The following NFE2 variants were observed in gnomAD, a reference collection of about 807,000 sequenced individuals.
NFE2 encodes the protein nuclear factor, erythroid 2.
In NFE2, 13 loss-of-function variants were observed where a neutral mutation model predicts 25.8. The ratio of observed to expected loss-of-function variants is 0.50; its 90% CI spans 0.33 to 0.80. NFE2 has a LOEUF of 0.80. Ranked by LOEUF, NFE2 falls within the 30% of genes least tolerant of loss-of-function variation. The pLI, the probability that NFE2 is intolerant of heterozygous loss-of-function variation, is 0.02. For missense variants in NFE2, 382 were observed against 478.9 expected (o/e 0.80, Z 1.89); for synonymous variants, 204 against 200.2 (o/e 1.02, Z -0.16).
intron 1 of NFE2, among the ~76,000 whole-genome samples, chr12:54,296,739 G>A (rs1944375969): frequency 6.6e-6 from 1 of 152,204 alleles, no homozygotes; most frequent in Admixed American, 6.5e-5. Context: ...CAAAGCAGCA[G>A]TGTGATGTTG....
In NFE2 at chr12:54,292,950, G is replaced by T; in HGVS notation, c.546C>A (p.Tyr182Ter). The change falls in exon 3 of 3, where the codon TAC becomes TAA. Residue 182 changes from tyrosine to a stop codon, truncating the protein, a stop_gained. Coordinates refer to ENST00000435572, the MANE Select transcript of NFE2 (RefSeq NM_001136023.3). LOFTEE classifies it high-confidence loss of function. ...YVEMYPVEYP[Y>*]SLMPNSLAHS... is the part of the protein sequence containing the mutation. ...GGGCCAAGGAGTTGGGCATGAGTGAGTAGGGGTACTCCACTGGGTACATCT... is the reference window on the plus strand; with the variant it reads ...GGGCCAAGGAGTTGGGCATGAGTGATTAGGGGTACTCCACTGGGTACATCT... The T allele has an allele frequency of 6.3e-7, 1 of 1,587,434 alleles. No individual in the cohort carries two copies. Among genetic ancestry groups the T allele is most frequent in the Non-Finnish European group, 8.6e-7 (1 of 1,165,728 alleles).
intron 1 of NFE2, among the ~76,000 whole-genome samples, chr12:54,296,072 C>T (rs1252345036): frequency 6.6e-6 from 1 of 152,194 alleles, no homozygotes; most frequent in African/African-American, 2.4e-5. Context: ...ACTTAGTAAG[C>T]ACTTGTTAAG....
Position 54,293,154 on chromosome 12 carries a change from G to C in NFE2, c.342C>G (p.Gly114=), listed in dbSNP as rs751624613. 32 of 1,552,728 alleles carry C rather than the reference G, an allele frequency of 2.1e-5. No individual in the cohort carries two copies. Among genetic ancestry groups the C allele is most frequent in the Non-Finnish European group, 2.8e-5 (32 of 1,147,130 alleles). Residue 114 remains glycine (G), a synonymous_variant, in exon 3 of 3, where the codon GGC becomes GGG. Transcript: ENST00000435572. ...GGTCTTGGAGCGGCTCACTGAGCAG[G>C]CCTGAGAGGCTCAGTGGCTTGGAGA... ...IPVSKPLSLS[G]LLSEPLQDPL...
Position 54,292,631 on chromosome 12 carries a change from C to G in NFE2, c.865G>C (p.Glu289Gln), listed in dbSNP as rs1367368544. The G allele has an allele frequency of 6.2e-7, 1 of 1,614,100 alleles. No individual in the cohort carries two copies. Among genetic ancestry groups the G allele is most frequent in the Non-Finnish European group, 8.5e-7 (1 of 1,180,048 alleles). The stretch of plus-strand genomic sequence containing the variant: ...TCCCGCTCCAGCTGCACAATGGTTT[C>G]CAGCTTCCTCTTGCGGCAGTTCTGG... ...AAQNCRKRKL[E>Q]TIVQLERELE... The change falls in exon 3 of 3, where the codon GAA becomes CAA. Residue 289 changes from glutamate (E) to glutamine (Q), a missense_variant. Coordinates refer to ENST00000435572, the MANE Select transcript of NFE2 (RefSeq NM_001136023.3).
chr12:54,293,796 C>T (rs1944343547), intron 2 of NFE2, among the ~76,000 whole-genome samples: 1 of 151,824 alleles, frequency 6.6e-6, no homozygotes, highest in Admixed American at 6.6e-5. Context: ...TTGAAGTGAG[C>T]CAAGATAGTG....
chr12:54,292,630 T>G lies in NFE2; in HGVS notation c.866A>C (p.Glu289Ala). ...AAQNCRKRKL[E>A]TIVQLERELE... ...CTCCCGCTCCAGCTGCACAATGGTT[T>G]CCAGCTTCCTCTTGCGGCAGTTCTG... Residue 289 changes from glutamate (E) to alanine (A), a missense_variant, in exon 3 of 3, where the codon GAA (glutamate) becomes GCA (alanine). Glu to Ala is a moderately radical substitution (Grantham distance 107). Coordinates refer to ENST00000435572, the MANE Select transcript of NFE2 (RefSeq NM_001136023.3). 6.2e-7 allele frequency: 1 copy of G among 1,614,218 alleles called. No homozygotes were observed. The highest frequency in any genetic ancestry group is 8.5e-7 in the Non-Finnish European group (1 of 1,180,038).
rs1202412549 is a variant in NFE2 at position 54,293,484 on chromosome 12, T to A, written c.115-103A>T. On this transcript the variant is annotated intron_variant, in intron 2 of 2. Coordinates refer to ENST00000435572, the MANE Select transcript of NFE2 (RefSeq NM_001136023.3). Reference sequence around the variant, plus strand: ...TCTTCTGAAAGTCGCAGTGAGGTAGTAACAAGGAAACAAAGTTGCCACAAA... The same window carrying A: ...TCTTCTGAAAGTCGCAGTGAGGTAGAAACAAGGAAACAAAGTTGCCACAAA... The A allele has an allele frequency of 3.1e-6, 4 of 1,280,950 alleles. No homozygotes were observed. In the African/African-American group the frequency reaches 4.5e-5, roughly 14 times the overall value. The allele number at this position is 1,280,950 out of a possible 1,614,324, so 79.3% of individuals were successfully genotyped here. A position where few individuals can be genotyped will look rare whatever the true frequency, so the allele number is the denominator to read the frequency against.
intron 1 of NFE2, among the ~76,000 whole-genome samples, chr12:54,300,507 C>T (rs1043696095): frequency 1.3e-5 from 2 of 152,150 alleles, no homozygotes; most frequent in Non-Finnish European, 2.9e-5. Context: ...AAGGATTCCT[C>T]CTGGCTACTC....
Position 54,294,740 on chromosome 12 carries a change from G to C in NFE2, c.114+395C>G, listed in dbSNP as rs35190455. 3.3e-3 allele frequency among the ~76,000 whole-genome samples: 499 copies of C among 152,274 alleles called. 6 individuals are homozygous for C. Among genetic ancestry groups the C allele is most frequent in the African/African-American group, 0.012 (484 of 41,550 alleles). On this transcript the variant is annotated intron_variant, in intron 2 of 2. Coordinates refer to ENST00000435572, the MANE Select transcript of NFE2 (RefSeq NM_001136023.3). ...CCCTTCCTGAGGCCCCTGAACTACT[G>C]CTCTGTTACCTGGGGTAAACGGGCC...
rs891548935 is a variant in NFE2, at chr12:54,295,620, G to A, written c.-56-316C>T. On this transcript the variant is annotated intron_variant, in intron 1 of 2. Coordinates refer to ENST00000435572, the MANE Select transcript of NFE2 (RefSeq NM_001136023.3). ...CAAACTGTTTTCCTGGCTAAAGGCAGAGTCAGATCTTCTGTTTTTCTGTTT... is the reference window on the plus strand; with the variant it reads ...CAAACTGTTTTCCTGGCTAAAGGCAAAGTCAGATCTTCTGTTTTTCTGTTT... The A allele has an allele frequency of 1.5e-5, 3 of 193,734 alleles. No individual in the cohort carries two copies. The Admixed American group carries it at 1.7e-4, about 11-fold the overall frequency. The allele number at this position is 193,734 out of a possible 1,614,324, so 12.0% of individuals were successfully genotyped here. A position where few individuals can be genotyped will look rare whatever the true frequency, so the allele number is the denominator to read the frequency against.
intron 2 of NFE2, among the ~76,000 whole-genome samples, chr12:54,294,402 C>G (rs1454010024): frequency 6.6e-6 from 1 of 152,056 alleles, no homozygotes; most frequent in Non-Finnish European, 1.5e-5. Context: ...GCAGAGGGAG[C>G]CGCTGTGTGG....
rs1944321863 is a variant in NFE2 at position 54,292,124 on chromosome 12, C to CTT, written c.*248_*249dup. 1 of 517,562 alleles carries CTT rather than the reference C, an allele frequency of 1.9e-6. No homozygotes were observed. Among genetic ancestry groups the CTT allele is most frequent in the African/African-American group, 1.9e-5 (1 of 52,836 alleles). 32.1% of individuals were successfully genotyped at this position (517,562 alleles called of 1,614,324 possible). On this transcript the variant is annotated 3_prime_UTR_variant, in exon 3 of 3. Coordinates refer to ENST00000435572, the MANE Select transcript of NFE2 (RefSeq NM_001136023.3). ...AGTGAAAAGCCATTTCTGTAGCGCA[C>CTT]TTTATAGACCAAAGCTTAGACAAGG...
chr12:54,296,088 T>C (rs1262584602), intron 1 of NFE2, among the ~76,000 whole-genome samples: 3 of 152,352 alleles, frequency 2.0e-5, no homozygotes, highest in Admixed American at 1.3e-4. Context: ...TTAAGAACTG[T>C]GCTGGTATTG....
intron 2 of NFE2, 36 bp downstream of exon 2, chr12:54,295,099 C>G: frequency 6.4e-7 from 1 of 1,571,676 alleles, no homozygotes; most frequent in East Asian, 2.2e-5. Context: ...TCTTCTCCGA[C>G]ACACGGCCTC....
At chr12:54,295,650 G>GC in intron 1 of NFE2, 1 of 183,534 alleles carries the variant, frequency 5.4e-6, no homozygotes, top group Non-Finnish European at 1.2e-5. Flanking sequence ...CTGTTTTGCT[G>GC]TGTTTTGTTT....
In NFE2 at chr12:54,293,378, G is replaced by T. The variant is rs762175220; in HGVS notation, c.118C>A (p.Leu40Met). The change falls in exon 3 of 3, where the codon CTG (leucine) becomes ATG (methionine). Residue 40 changes from leucine to methionine, a missense_variant. By Grantham distance (15) the Leu-to-Met change is conservative (BLOSUM62 2). Coordinates refer to ENST00000435572, the MANE Select transcript of NFE2 (RefSeq NM_001136023.3). ...AATGATGGCTCACTTGGAGCATTCA[G>T]ACCCTGCAAGGAAAGACACAAAGAG... ...EIMSITELQGLNAPSEPSFEP... is the reference protein window; with the variant it reads ...EIMSITELQGMNAPSEPSFEP... The T allele has an allele frequency of 7.4e-6, 11 of 1,491,038 alleles. No individual in the cohort carries two copies. In the South Asian group the frequency reaches 1.4e-4, roughly 19 times the overall value. The allele number at this position is 1,491,038 out of a possible 1,614,324, so 92.4% of individuals were successfully genotyped here.
In NFE2 at chr12:54,292,997, G is replaced by T; in HGVS notation, c.499C>A (p.Arg167=). 6.5e-7 allele frequency: 1 copy of T among 1,541,558 alleles called. No individual in the cohort carries two copies. Among genetic ancestry groups the T allele is most frequent in the South Asian group, 1.3e-5 (1 of 79,540 alleles). The change falls in exon 3 of 3, where the codon CGG becomes AGG. Residue 167 remains arginine (R), a synonymous_variant. Coordinates refer to ENST00000435572, the MANE Select transcript of NFE2 (RefSeq NM_001136023.3). ...ATCTCTACATATTCGCTGCGCCGCC[G>T]ACCAGCCTCTGTCCCCTCCAGCTCA... ...SLELEGTEAG[R]RRSEYVEMYP...
chr12:54,294,994 C>A (rs1944357250), intron 2 of NFE2, 141 bp downstream of exon 2: 3 of 667,232 alleles, frequency 4.5e-6, no homozygotes, highest in Admixed American at 2.4e-5. Context: ...CCATCCGGAT[C>A]TTTCCCTTCC....
intron 1 of NFE2, among the ~76,000 whole-genome samples, chr12:54,298,686 A>G (rs1040028681): frequency 1.3e-5 from 2 of 152,080 alleles, no homozygotes; most frequent in Non-Finnish European, 1.5e-5. Flanking sequence ...CTACATGTAA[A>G]GACACAGATT....
Sources: allele counts gnomAD v4.1 joint callset (sites outside exome capture counted in the v4.1 genomes callset), GRCh38; gene constraint gnomAD v4.1.1; transcripts MANE v1.5; gene names NCBI Gene and HGNC (gene_info 2026-07-23, HGNC 2026-07-21).